Variants in PTPRQ observed in about 807,000 individuals in gnomAD.
PTPRQ encodes phosphatidylinositol phosphatase PTPRQ.
Under a neutral mutation model 246.0 loss-of-function variants are expected in PTPRQ, and 199 were observed. The observed-to-expected ratio is 0.81, with a 90% CI of 0.72 to 0.91. The LOEUF (loss-of-function observed/expected upper bound fraction) is 0.91. PTPRQ is among the 40% of genes least tolerant of loss of function. PTPRQ has a pLI of 0.00. For synonymous variants in PTPRQ, 869 were observed against 853.2 expected, an observed-to-expected ratio of 1.02 and a Z score of -0.32; for missense variants, 2,624 against 2,528.4, an observed-to-expected ratio of 1.04 and a Z score of -0.81.
intron 17 of PTPRQ, among the ~76,000 whole-genome samples, chr12:80,527,446 T>C (rs1895719982): frequency 6.6e-6 from 1 of 152,028 alleles, no homozygotes; most frequent in Admixed American, 6.6e-5. Context: ...TGCTCTCCCT[T>C]TGTACAAAAT....
intron 28 of PTPRQ, among the ~76,000 whole-genome samples, chr12:80,611,941 C>G (rs148580272): frequency 6.7e-6 from 1 of 150,356 alleles, no homozygotes. Flanking sequence ...CACAATAGTA[C>G]GTTTATCTGC....
intron 26 of PTPRQ, among the ~76,000 whole-genome samples, chr12:80,602,069 G>A (rs995585467): frequency 6.6e-6 from 1 of 151,570 alleles, no homozygotes; most frequent in Non-Finnish European, 1.5e-5. Context: ...ATGTTTTCTT[G>A]GCAATGTAAA....
intron 6 of PTPRQ, among the ~76,000 whole-genome samples, chr12:80,463,194 C>A (rs1167294204): frequency 6.6e-6 from 1 of 152,094 alleles, no homozygotes; most frequent in Non-Finnish European, 1.5e-5. Flanking sequence ...AGCTGAAAGC[C>A]AAGGCACGAG....
intron 33 of PTPRQ, among the ~76,000 whole-genome samples, chr12:80,626,525 A>G (rs768732654): frequency 6.6e-6 from 1 of 152,146 alleles, no homozygotes; most frequent in African/African-American, 2.4e-5. Context: ...CTTCACTGCA[A>G]CTCTGTAACA....
Position 80,678,966 on chromosome 12 carries a change from CATG to C in PTPRQ, c.6863-19_6863-17del. On this transcript the variant is annotated splice_polypyrimidine_tract_variant and intron_variant, in intron 44 of 44. Transcript: ENST00000644991. ...TGTTAACTTCAACACTCTCTTGTAA[CATG>C]TTACTTTCTGTTATAGGTGATGTTG... 1.3e-6 allele frequency: 2 copies of C among 1,539,010 alleles called. No individual in the cohort carries two copies. Among genetic ancestry groups the C allele is most frequent in the Non-Finnish European group, 1.8e-6 (2 of 1,142,438 alleles).
chr12:80,535,456 GTGTT>G (rs1173628490), intron 19 of PTPRQ, among the ~76,000 whole-genome samples: 4 of 152,150 alleles, frequency 2.6e-5, no homozygotes, highest in African/African-American at 7.2e-5. Context: ...GTGTTTGGAT[GTGTT>G]TGTTTTTCTT....
At chr12:80,572,433 A>C (rs903835126) in intron 25 of PTPRQ, among the ~76,000 whole-genome samples, 11 of 152,092 alleles carry the variant, frequency 7.2e-5, no homozygotes, top group Non-Finnish European at 1.6e-4. Flanking sequence ...CTATATTAAA[A>C]TTATTGTGTC....
intron 26 of PTPRQ, among the ~76,000 whole-genome samples, chr12:80,597,957 A>G (rs1305759541): frequency 2.6e-5 from 4 of 151,992 alleles, no homozygotes; most frequent in Non-Finnish European, 4.4e-5. Context: ...AATAGTAGTA[A>G]TTAGAATATT....
Position 80,533,756 on chromosome 12 carries a change from T to C in PTPRQ, c.2679-259T>C, listed in dbSNP as rs2895803. Among the ~76,000 whole-genome samples, 53,429 of 151,778 alleles carry C rather than the reference T, an allele frequency of 0.35. 11,726 individuals are homozygous for C. The highest frequency in any genetic ancestry group is 0.62 in the African/African-American group (25,581 of 41,434). ...ATTCCTTAATATCCATTAAAATTGG[T>C]CCAAGCAAACTCTAATTATGAACAT... On this transcript the variant is annotated intron_variant, in intron 17 of 44. Coordinates refer to ENST00000644991, the MANE Select transcript of PTPRQ (RefSeq NM_001145026.2).
chr12:80,645,411 G>A (rs1220168730), intron 35 of PTPRQ, among the ~76,000 whole-genome samples: 1 of 151,936 alleles, frequency 6.6e-6, no homozygotes, highest in East Asian at 1.9e-4. Flanking sequence ...ATTCAATTCA[G>A]ATATTCCCTC....
At chr12:80,461,177 A>C (rs920198668) in intron 6 of PTPRQ, among the ~76,000 whole-genome samples, 2 of 152,306 alleles carry the variant, frequency 1.3e-5, no homozygotes, top group East Asian at 3.9e-4. Flanking sequence ...TAATGTCAGC[A>C]ATTTTTAGTA....
intron 35 of PTPRQ, among the ~76,000 whole-genome samples, chr12:80,641,165 A>G (rs575073166): frequency 3.9e-5 from 6 of 152,322 alleles, no homozygotes; most frequent in African/African-American, 1.4e-4. Context: ...GCACGCTTCC[A>G]GGCACTCCCC....
chr12:80,648,230 T>G (rs528040035), intron 35 of PTPRQ, among the ~76,000 whole-genome samples: 1 of 152,242 alleles, frequency 6.6e-6, no homozygotes, highest in Non-Finnish European at 1.5e-5. Flanking sequence ...TTTTGTGCCT[T>G]TTGTGTTTTT....
chr12:80,469,116 T>C (rs1432436526), intron 7 of PTPRQ, among the ~76,000 whole-genome samples: 1 of 152,212 alleles, frequency 6.6e-6, no homozygotes, highest in African/African-American at 2.4e-5. Context: ...AGTGGAGATA[T>C]ACATCTTCAA....
At chr12:80,449,119 T>C (rs1328578352) in intron 3 of PTPRQ, among the ~76,000 whole-genome samples, 1 of 151,500 alleles carries the variant, frequency 6.6e-6, no homozygotes, top group Non-Finnish European at 1.5e-5. Context: ...ATTTCTCTGA[T>C]GGCCAGTGAT....
At chr12:80,541,933 A>G in intron 21 of PTPRQ, 88 bp downstream of exon 21, 1 of 1,463,886 alleles carries the variant, frequency 6.8e-7, no homozygotes, top group Non-Finnish European at 9.0e-7. Flanking sequence ...CTTCAATTAT[A>G]TTGATTCTGT....
At position 80,496,059 on chromosome 12, in the gene PTPRQ, G is replaced by T; in HGVS notation, c.1943G>T (p.Ser648Ile). The T allele has an allele frequency of 6.5e-7, 1 of 1,549,886 alleles. No individual in the cohort carries two copies. The highest frequency in any genetic ancestry group is 8.7e-7 in the Non-Finnish European group (1 of 1,146,240). The change falls in exon 13 of 45, where the codon AGT (serine) becomes ATT (isoleucine). Residue 648 changes from serine to isoleucine, a missense_variant. By Grantham distance (142) the Ser-to-Ile change is moderately radical. Coordinates refer to ENST00000644991, the MANE Select transcript of PTPRQ (RefSeq NM_001145026.2). ...RVAASTHVGE[S>I]SLSEENDIFV... ...GCAGCCTCAACCCACGTTGGAGAAAGTTCTTTGTCTGAAGAAAATGACATC... is the reference window on the plus strand; with the variant it reads ...GCAGCCTCAACCCACGTTGGAGAAATTTCTTTGTCTGAAGAAAATGACATC...
intron 8 of PTPRQ, among the ~76,000 whole-genome samples, chr12:80,483,807 T>C (rs1894169846): frequency 6.6e-6 from 1 of 151,820 alleles, no homozygotes; most frequent in African/African-American, 2.4e-5. Context: ...ATTGTTCAGC[T>C]CCCTCTTATG....
intron 34 of PTPRQ, among the ~76,000 whole-genome samples, chr12:80,633,254 G>A (rs1328278212): frequency 6.6e-6 from 1 of 152,114 alleles, no homozygotes; most frequent in East Asian, 1.9e-4. Flanking sequence ...TCTCAATCAG[G>A]TCTAAATATT....
Sources: allele counts gnomAD v4.1 joint callset (sites outside exome capture counted in the v4.1 genomes callset), GRCh38; gene constraint gnomAD v4.1.1; transcripts MANE v1.5; gene names NCBI Gene and HGNC (gene_info 2026-07-23, HGNC 2026-07-21).